The following ANO1 variants were observed in gnomAD, a reference collection of about 807,000 sequenced individuals.
The protein encoded by ANO1 is anoctamin 1.
In ANO1, 59 loss-of-function variants were observed where a neutral mutation model predicts 124.0. The ratio of observed to expected loss-of-function variants is 0.48; its 90% confidence interval spans 0.39 to 0.59. The LOEUF (loss-of-function observed/expected upper bound fraction) is 0.59, where lower values mean the gene tolerates loss of function less well. Ranked by LOEUF, ANO1 falls within the 20% of genes least tolerant of loss-of-function variation. The pLI is 0.00. For synonymous variants in ANO1, 529 were observed against 532.0 expected, an observed-to-expected ratio of 0.99 and a Z score of 0.08; for missense variants, 1,059 against 1,328.0, an observed-to-expected ratio of 0.80 and a Z score of 3.15.
chr11:69,985,545 C>T (rs61885141), upstream of ANO1, among the ~76,000 whole-genome samples: 12 of 152,228 alleles, frequency 7.9e-5, no homozygotes, highest in South Asian at 1.0e-3. Flanking sequence ...GGAACCGCCC[C>T]GCGCCCAGGG....
At chr11:70,035,898 C>T (rs566422922) in intron 1 of ANO1, among the ~76,000 whole-genome samples, 1 of 152,114 alleles carries the variant, frequency 6.6e-6, no homozygotes, top group Non-Finnish European at 1.5e-5. Flanking sequence ...TGTATATGTG[C>T]CACATTTTCT....
chr11:70,025,901 GAT>G (rs1856894054), intron 1 of ANO1, among the ~76,000 whole-genome samples: 1 of 150,382 alleles, frequency 6.6e-6, no homozygotes, highest in Non-Finnish European at 1.5e-5. Flanking sequence ...TGATGATGAT[GAT>G]GATGGTGGTG....
chr11:70,022,530 C>T (rs1027045391), intron 1 of ANO1, among the ~76,000 whole-genome samples: 3 of 151,482 alleles, frequency 2.0e-5, no homozygotes, highest in South Asian at 2.1e-4. Context: ...GCCTGGGAGA[C>T]GGGAGATGGA....
At chr11:70,071,771 G>A (rs1857879490) in intron 1 of ANO1, among the ~76,000 whole-genome samples, 3 of 152,014 alleles carry the variant, frequency 2.0e-5, no homozygotes, top group Admixed American at 6.5e-5. Flanking sequence ...TTATAGGCAC[G>A]CACCACCATG....
At chr11:70,179,925 C>T (rs1213740869) in intron 22 of ANO1, 79 bp from the exon 23 acceptor site, 2 of 1,354,812 alleles carry the variant, frequency 1.5e-6, no homozygotes, top group African/African-American at 1.4e-5. Flanking sequence ...AAGGGTGGTA[C>T]CCGCTCAGAC....
At chr11:70,182,456 T>C (rs372414118) in intron 23 of ANO1, 46 bp from the exon 24 acceptor site, 2 of 1,451,494 alleles carry the variant, frequency 1.4e-6, no homozygotes, top group African/African-American at 2.9e-5. Context: ...CCGGCCCTTC[T>C]GCGCCCAGGC....
intron 1 of ANO1, among the ~76,000 whole-genome samples, chr11:70,083,788 T>C (rs2044272923): frequency 6.6e-6 from 1 of 152,184 alleles, no homozygotes; most frequent in African/African-American, 2.4e-5. Context: ...TCCTAACACA[T>C]CTCTAGACAG....
At chr11:70,002,032 AG>A (rs1173446614) in intron 1 of ANO1, among the ~76,000 whole-genome samples, 2 of 152,196 alleles carry the variant, frequency 1.3e-5, no homozygotes, top group Non-Finnish European at 2.9e-5. Context: ...CCACATACAG[AG>A]CAACGGTGGT....
At chr11:70,112,514 G>T (rs931075982) in intron 7 of ANO1, among the ~76,000 whole-genome samples, 3 of 151,638 alleles carry the variant, frequency 2.0e-5, no homozygotes, top group African/African-American at 7.3e-5. Context: ...CCATCTGTGG[G>T]TCAGGAATCA....
intron 12 of ANO1, among the ~76,000 whole-genome samples, chr11:70,150,094 C>T (rs1376523022): frequency 6.6e-6 from 1 of 152,214 alleles, no homozygotes; most frequent in East Asian, 1.9e-4. Context: ...CCACACTGAC[C>T]TCATCGCGTC....
intron 4 of ANO1, 136 bp downstream of exon 4, chr11:70,104,286 C>A: frequency 9.9e-7 from 1 of 1,013,538 alleles, no homozygotes; most frequent in Non-Finnish European, 1.4e-6. Context: ...GGTTGCTGAG[C>A]CCAGAAGAGG....
intron 11 of ANO1, among the ~76,000 whole-genome samples, chr11:70,135,881 T>C (rs538122117): frequency 1.3e-5 from 2 of 152,224 alleles, no homozygotes; most frequent in African/African-American, 2.4e-5. Flanking sequence ...CCCAAAGCGC[T>C]ACGTGGCATT....
intron 1 of ANO1, among the ~76,000 whole-genome samples, chr11:69,998,103 G>A (rs1320941198): frequency 6.6e-6 from 1 of 152,142 alleles, no homozygotes; most frequent in East Asian, 1.9e-4. Context: ...ATCCAGCTGT[G>A]AGCATGCATT....
upstream of ANO1, among the ~76,000 whole-genome samples, chr11:70,077,878 A>T (rs1351323499): frequency 1.3e-5 from 2 of 152,094 alleles, no homozygotes; most frequent in African/African-American, 2.4e-5. Context: ...GCCCCGGGAG[A>T]GACTCCCCCA....
intron 1 of ANO1, among the ~76,000 whole-genome samples, chr11:70,006,291 T>C (rs1268184196): frequency 6.6e-6 from 1 of 152,210 alleles, no homozygotes; most frequent in Non-Finnish European, 1.5e-5. Context: ...ATTGTCAACC[T>C]GGTTTTCCCC....
chr11:70,122,400 CTG>C (rs1166286455), intron 8 of ANO1, among the ~76,000 whole-genome samples: 1 of 140,510 alleles, frequency 7.1e-6, no homozygotes, highest in Non-Finnish European at 1.5e-5. Flanking sequence ...CTCTCTATCT[CTG>C]TCTCTCCATC....
At chr11:70,010,160 T>TGTGTGTGTGG (rs1555000795) in intron 1 of ANO1, among the ~76,000 whole-genome samples, 1 of 62,518 alleles carries the variant, frequency 1.6e-5, no homozygotes. Context: ...TGTGTGTGTG[T>TGTGTGTGTGG]GTGTGCGCGT....
chr11:70,125,619 C>G (rs1251983685), intron 9 of ANO1, among the ~76,000 whole-genome samples: 2 of 151,394 alleles, frequency 1.3e-5, no homozygotes, highest in African/African-American at 4.9e-5. Context: ...CCGAAGGGGG[C>G]GGATCACGAG....
At chr11:70,100,979 C>T (rs977849705) in intron 2 of ANO1, among the ~76,000 whole-genome samples, 2 of 152,154 alleles carry the variant, frequency 1.3e-5, no homozygotes, top group Non-Finnish European at 2.9e-5. Context: ...GGGCAGGCCT[C>T]GTGGACGCAG....
Sources: gnomAD v4.1 joint callset for allele counts (sites outside exome capture counted in the v4.1 genomes callset) on GRCh38, gnomAD v4.1.1 for gene constraint, MANE v1.5 for transcripts, NCBI Gene and HGNC (gene_info 2026-07-23, HGNC 2026-07-21) for gene names.